The following TVP23C variants were observed in gnomAD, a reference collection of about 807,000 sequenced individuals.
The protein encoded by TVP23C is trans-golgi network vesicle protein 23 homolog C.
A neutral mutation model predicts 28.7 loss-of-function variants in TVP23C; 19 were observed. The observed-to-expected ratio is 0.66, with a 90% CI of 0.46 to 0.97. TVP23C has a LOEUF of 0.97. Among genes scored for constraint, TVP23C ranks in the 50% least tolerant of loss-of-function variants. The pLI, the probability that TVP23C is intolerant of heterozygous loss-of-function variation, is 0.00. For missense variants in TVP23C, 186 were observed against 241.3 expected, an observed-to-expected ratio of 0.77 and a Z score of 1.52; for synonymous variants, 68 against 81.7, an observed-to-expected ratio of 0.83 and a Z score of 0.90.
chr17:15,517,675 T>A (rs117180872), intron 5 of TVP23C, among the ~76,000 whole-genome samples: 4,278 of 152,272 alleles, frequency 0.028, 92 homozygotes, highest in Non-Finnish European at 0.037. Flanking sequence ...GGTTGTCTCA[T>A]TAAACCTCCA....
Position 15,537,850 on chromosome 17 carries a change from T to C in TVP23C, c.*2562A>G, listed in dbSNP as rs578184478. The C allele has an allele frequency of 4.7e-6, 6 of 1,278,498 alleles. No homozygotes were observed. The highest frequency in any genetic ancestry group is 5.9e-6 in the Non-Finnish European group (6 of 1,013,364). The allele number at this position is 1,278,498 out of a possible 1,614,324, so 79.2% of individuals were successfully genotyped here. On this transcript the variant is annotated 3_prime_UTR_variant, in exon 6 of 6. Coordinates refer to ENST00000518321, the MANE Select transcript of TVP23C (RefSeq NM_001135036.2). ...TCATTAACTTGGGATATACAGGTATTACATGGCCGTGTGCATACCTATGGA... is the reference window on the plus strand; with the variant it reads ...TCATTAACTTGGGATATACAGGTATCACATGGCCGTGTGCATACCTATGGA...
intron 3 of TVP23C, among the ~76,000 whole-genome samples, chr17:15,552,480 G>A (rs1983937454): frequency 6.6e-6 from 1 of 152,124 alleles, no homozygotes; most frequent in Admixed American, 6.5e-5. Flanking sequence ...TCAGAAGTTC[G>A]AGACCAGCCT....
intron 3 of TVP23C, among the ~76,000 whole-genome samples, chr17:15,553,018 G>A (rs978661441): frequency 2.0e-5 from 3 of 150,950 alleles, no homozygotes; most frequent in African/African-American, 4.9e-5. Flanking sequence ...CCTACAGCAG[G>A]GTGTCTCAAC....
At chr17:15,551,881 C>T (rs933691109) in intron 3 of TVP23C, among the ~76,000 whole-genome samples, 3 of 152,118 alleles carry the variant, frequency 2.0e-5, no homozygotes, top group Non-Finnish European at 4.4e-5. Flanking sequence ...TGTTTCAGAA[C>T]CCTGCTTATC....
rs190152700 is a variant in TVP23C, at chr17:15,538,356, C to T, written c.*2056G>A. On this transcript the variant is annotated 3_prime_UTR_variant, in exon 6 of 6. Coordinates refer to ENST00000518321, the MANE Select transcript of TVP23C (RefSeq NM_001135036.2). ...CTGTAATCCCAGCACTTTGGGAGGC[C>T]GAGGAGGGTGGATCATGAGGTCAGG... The T allele has an allele frequency of 5.9e-4, 513 of 865,978 alleles. 2 individuals are homozygous for T. The African/African-American group carries it at 8.8e-3, about 15-fold the overall frequency. The allele number at this position is 865,978 out of a possible 1,614,324, so 53.6% of individuals were successfully genotyped here. A position where few individuals can be genotyped will look rare whatever the true frequency, so the allele number is the denominator to read the frequency against.
chr17:15,503,189 C>T, exon 6 of TVP23C: 1 of 1,571,548 alleles, frequency 6.4e-7, no homozygotes, highest in Admixed American at 1.9e-5. Flanking sequence ...ATCTCTTGAG[C>T]CCAAGACTTT....
rs1381568838 is a variant in TVP23C at position 15,563,465 on chromosome 17, C to A, written c.-17G>T. The A allele has an allele frequency of 1.9e-6, 3 of 1,583,152 alleles. No homozygotes were observed. Among genetic ancestry groups the A allele is most frequent in the Admixed American group, 1.8e-5 (1 of 56,038 alleles). ...CTGCAACATGGCGGCCCTACGCCAG[C>A]CCTGCTTCCAGGAGCCACGTCAGCG... is the stretch of plus-strand genomic sequence containing the variant. On this transcript the variant is annotated 5_prime_UTR_variant, in exon 1 of 6. Coordinates refer to ENST00000518321, the MANE Select transcript of TVP23C (RefSeq NM_001135036.2).
In TVP23C at chr17:15,539,664, C is replaced by A; in HGVS notation, c.*748G>T. On this transcript the variant is annotated 3_prime_UTR_variant, in exon 6 of 6. Coordinates refer to ENST00000518321, the MANE Select transcript of TVP23C (RefSeq NM_001135036.2). ...AAGAGATTTAACCAATAATTATTTA[C>A]CTATGACTACTACTCATCCTGCTGA... 1 of 984,218 alleles carries A rather than the reference C, an allele frequency of 1.0e-6. No individual in the cohort carries two copies. Among genetic ancestry groups the A allele is most frequent in the Non-Finnish European group, 1.2e-6 (1 of 829,622 alleles). The allele number at this position is 984,218 out of a possible 1,614,324, so 61.0% of individuals were successfully genotyped here. A position where few individuals can be genotyped will look rare whatever the true frequency, so the allele number is the denominator to read the frequency against.
intron 5 of TVP23C, among the ~76,000 whole-genome samples, chr17:15,517,878 C>T (rs1291130858): frequency 6.6e-6 from 1 of 152,128 alleles, no homozygotes; most frequent in Non-Finnish European, 1.5e-5. Context: ...AGAATGTTCC[C>T]AGCCTCAGCC....
chr17:15,551,709 T>C (rs1983900037), intron 3 of TVP23C, among the ~76,000 whole-genome samples: 2 of 151,800 alleles, frequency 1.3e-5, no homozygotes, highest in Non-Finnish European at 1.5e-5. Context: ...CATCAGCTAA[T>C]GTTAGTGTAT....
In TVP23C at chr17:15,561,186, T is replaced by C. The variant is rs562219275; in HGVS notation, c.12+2251A>G. ...CTGAGAGAGGATAAGAGAAGAAACG[T>C]TGAAGATTTGAGTTTTAATAGTTGC... On this transcript the variant is annotated intron_variant, in intron 1 of 5. Transcript: ENST00000518321. 6.6e-5 allele frequency among the ~76,000 whole-genome samples: 10 copies of C among 152,142 alleles called. No individual in the cohort carries two copies. In the South Asian group the frequency reaches 1.7e-3, roughly 25 times the overall value.
chr17:15,511,560 G>A (rs1408006421), intron 5 of TVP23C, among the ~76,000 whole-genome samples: 3 of 152,090 alleles, frequency 2.0e-5, no homozygotes, highest in African/African-American at 7.2e-5. Context: ...ACAATTTTAG[G>A]TTTCTGCATG....
At chr17:15,529,400 C>G (rs1245943324) in intron 5 of TVP23C, among the ~76,000 whole-genome samples, 1 of 151,824 alleles carries the variant, frequency 6.6e-6, no homozygotes, top group Non-Finnish European at 1.5e-5. Context: ...CGCAGTGAGC[C>G]GAGTCAGCGC....
chr17:15,557,556 C>G (rs530322066), intron 1 of TVP23C, among the ~76,000 whole-genome samples: 2 of 148,946 alleles, frequency 1.3e-5, no homozygotes, highest in African/African-American at 4.9e-5. Context: ...ACCTCACCCC[C>G]CCATAGTGCT....
chr17:15,502,770 G>C, exon 6 of TVP23C: 1 of 1,387,746 alleles, frequency 7.2e-7, no homozygotes, highest in Non-Finnish European at 9.4e-7. Context: ...CTCCTTCTCC[G>C]TCACTCTCTT....
chr17:15,518,637 G>A (rs1051963861), intron 5 of TVP23C, among the ~76,000 whole-genome samples: 1 of 152,200 alleles, frequency 6.6e-6, no homozygotes, highest in African/African-American at 2.4e-5. Context: ...TTAATTAAAA[G>A]TGATTGTCTA....
At position 15,563,436 on chromosome 17, in the gene TVP23C, C is replaced by A. The variant is rs575245116; in HGVS notation, c.12+1G>T. On this transcript the variant is annotated splice_donor_variant, in intron 1 of 5. Transcript: ENST00000518321. LOFTEE classifies it high-confidence loss of function. ...CTCCCAGCGCGCCCTCAGCCCCTCA[C>A]CTGCTGCAACATGGCGGCCCTACGC... The A allele has an allele frequency of 5.0e-6, 8 of 1,594,028 alleles. No individual in the cohort carries two copies. In the East Asian group the frequency reaches 1.8e-4, roughly 36 times the overall value.
intron 5 of TVP23C, among the ~76,000 whole-genome samples, chr17:15,542,581 A>G (rs910540502): frequency 6.6e-6 from 1 of 152,110 alleles, no homozygotes; most frequent in African/African-American, 2.4e-5. Context: ...GGTTCACTCC[A>G]TTCTCCTGCC....
intron 1 of TVP23C, among the ~76,000 whole-genome samples, chr17:15,560,636 A>G (rs1426303415): frequency 6.7e-6 from 1 of 148,976 alleles, no homozygotes; most frequent in African/African-American, 2.4e-5. Flanking sequence ...GCTCACTGCA[A>G]GCTCCGCCTC....
Sources: gnomAD v4.1 joint callset for allele counts (sites outside exome capture counted in the v4.1 genomes callset) on GRCh38, gnomAD v4.1.1 for gene constraint, MANE v1.5 for transcripts, NCBI Gene and HGNC (gene_info 2026-07-23, HGNC 2026-07-21) for gene names.